Variants in TSEN54 observed in about 807,000 individuals in gnomAD.
The protein encoded by TSEN54 is tRNA splicing endonuclease subunit 54.
Under a neutral mutation model 61.9 loss-of-function variants are expected in TSEN54, and 55 were observed. The ratio of observed to expected loss-of-function variants is 0.89; its 90% CI spans 0.72 to 1.11. The LOEUF is 1.11. Ranked by LOEUF, TSEN54 falls within the 50% of genes most tolerant of loss-of-function variation. The pLI is 0.00. For missense variants in TSEN54, 760 were observed against 687.7 expected, an observed-to-expected ratio of 1.11 and a Z score of -1.18; for synonymous variants, 304 against 288.7, an observed-to-expected ratio of 1.05 and a Z score of -0.54.
chr17:75,517,400 G>A (rs909862045), intron 4 of TSEN54, 156 bp downstream of exon 4: 3 of 1,143,388 alleles, frequency 2.6e-6, no homozygotes, highest in Non-Finnish European at 3.9e-6. Context: ...AGGGATTCCA[G>A]TCCACATTAG....
chr17:75,518,665 C>T (rs577838647), intron 5 of TSEN54: 13 of 985,390 alleles, frequency 1.3e-5, no homozygotes, highest in Admixed American at 1.2e-4. Flanking sequence ...ACATGGTGAT[C>T]GGCAGCTTCA....
At chr17:75,522,386 C>G in intron 8 of TSEN54, 53 bp downstream of exon 8, 1 of 1,538,348 alleles carries the variant, frequency 6.5e-7, no homozygotes, top group Non-Finnish European at 8.7e-7. Flanking sequence ...TGAGGAATCA[C>G]AGGACTTTGG....
In TSEN54 at chr17:75,523,057, T is replaced by C. The variant is rs955764106; in HGVS notation, c.1253-218T>C. The stretch of plus-strand genomic sequence containing the variant: ...AGCCGGGTGTGGTGGTGCACACTTA[T>C]AATCCCAGCTACTCAGGAGGCTGAG... On this transcript the variant is annotated intron_variant, in intron 8 of 10. Transcript: ENST00000333213. 1.2e-4 allele frequency: 69 copies of C among 573,596 alleles called. 1 individual carries two copies. The East Asian group carries it at 1.5e-3, about 12-fold the overall frequency. The allele number at this position is 573,596 out of a possible 1,614,324, so 35.5% of individuals were successfully genotyped here.
rs779557263 is a variant in TSEN54, at chr17:75,521,799, T to C, written c.718T>C (p.Cys240Arg). ...SPPPCSQPSQ[C>R]PEEKPQESSP... ...ACCTCCCTGCAGCCAGCCCAGCCAA[T>C]GCCCAGAGGAGAAACCCCAGGAGTC... The change falls in exon 8 of 11, where the codon TGC (cysteine) becomes CGC (arginine). Residue 240 changes from cysteine to arginine, a missense_variant. Transcript: ENST00000333213. 3.6e-5 allele frequency: 58 copies of C among 1,612,970 alleles called. No individual in the cohort carries two copies. The South Asian group carries it at 6.3e-4, about 17-fold the overall frequency.
chr17:75,522,368 C>G, intron 8 of TSEN54, 35 bp downstream of exon 8: 3 of 1,541,272 alleles, frequency 1.9e-6, no homozygotes, highest in Non-Finnish European at 2.6e-6. Context: ...TCGAGGGCCA[C>G]TGGCAGCTGA....
intron 5 of TSEN54, 104 bp downstream of exon 5, chr17:75,517,759 CAGGGCAGACG>C: frequency 9.7e-7 from 1 of 1,031,956 alleles, no homozygotes; most frequent in Non-Finnish European, 1.5e-6. Context: ...GCTGGGGCTG[CAGGGCAGACG>C]AGGGCTATGC....
rs1161690336 is a variant in TSEN54, at chr17:75,516,571, A to C, written c.11A>C (p.Glu4Ala). The change falls in exon 1 of 11, where the codon GAG becomes GCG. Residue 4 changes from glutamate (E) to alanine (A), a missense_variant. Physicochemically the swap from Glu to Ala is moderately radical, Grantham distance 107 (BLOSUM62 -1). Transcript: ENST00000333213. The part of the protein sequence containing the change: MEP[E>A]PEPAAVEVPA... ...GCAGGCGGCGGCGGGATGGAGCCCG[A>C]GCCCGAGCCCGCGGCCGTGGAGGTT... is the stretch of plus-strand genomic sequence containing the variant. 1 of 1,150,044 alleles carries C rather than the reference A, an allele frequency of 8.7e-7. No individual in the cohort carries two copies. Among genetic ancestry groups the C allele is most frequent in the Non-Finnish European group, 1.1e-6 (1 of 937,334 alleles). 71.2% of individuals were successfully genotyped at this position (1,150,044 alleles called of 1,614,324 possible).
chr17:75,523,095 C>T (rs1408809448), intron 8 of TSEN54, 180 bp from the exon 9 acceptor site: 5 of 737,888 alleles, frequency 6.8e-6, no homozygotes, highest in Non-Finnish European at 1.2e-5. Context: ...AGGAGAATTG[C>T]TTGAACCTGG....
chr17:75,522,149 C>T lies in TSEN54; in HGVS notation c.1068C>T (p.His356=), dbSNP rs774893413. ...EKLSRREREH[H]AEAAQFQEDV... Reference sequence around the variant, plus strand: ...TCTCCAGGCGGGAACGGGAGCACCACGCGGAGGCCGCGCAGTTCCAGGAAG... The same window carrying T: ...TCTCCAGGCGGGAACGGGAGCACCATGCGGAGGCCGCGCAGTTCCAGGAAG... Residue 356 remains histidine, a synonymous_variant, in exon 8 of 11, where the codon CAC becomes CAT. Transcript: ENST00000333213. 16 of 1,556,872 alleles carry T rather than the reference C, an allele frequency of 1.0e-5. No homozygotes were observed. Among genetic ancestry groups the T allele is most frequent in the South Asian group, 2.4e-5 (2 of 84,878 alleles).
intron 6 of TSEN54, among the ~76,000 whole-genome samples, chr17:75,520,537 G>A (rs1265164477): frequency 6.8e-6 from 1 of 147,736 alleles, no homozygotes; most frequent in East Asian, 1.9e-4. Context: ...AGTGAGCCGA[G>A]ATCTTGCCAG....
Position 75,516,882 on chromosome 17 carries a change from C to T in TSEN54, c.193C>T (p.Leu65=). The T allele has an allele frequency of 1.9e-6, 3 of 1,557,164 alleles. No individual in the cohort carries two copies. Among genetic ancestry groups the T allele is most frequent in the South Asian group, 1.2e-5 (1 of 86,216 alleles). Residue 65 remains leucine (L), a synonymous_variant, in exon 2 of 11, where the codon CTG becomes TTG. Coordinates refer to ENST00000333213, the MANE Select transcript of TSEN54 (RefSeq NM_207346.3). ...CCGGTGCCGGGAAGAGCTCTGGCAGCTGCTGGCAGAGCAGCGCGTGGAGCG... is the reference window on the plus strand; with the variant it reads ...CCGGTGCCGGGAAGAGCTCTGGCAGTTGCTGGCAGAGCAGCGCGTGGAGCG... ...LRRCREELWQ[L]LAEQRVERLG...
intron 5 of TSEN54, among the ~76,000 whole-genome samples, chr17:75,517,997 C>T (rs1168141390): frequency 1.3e-5 from 2 of 152,052 alleles, no homozygotes; most frequent in African/African-American, 2.4e-5. Flanking sequence ...GATAGGACTG[C>T]CAATGGATTG....
Position 75,524,279 on chromosome 17 carries a change from C to G in TSEN54, c.1448C>G (p.Pro483Arg). 6.2e-7 allele frequency: 1 copy of G among 1,614,194 alleles called. No homozygotes were observed. Among genetic ancestry groups the G allele is most frequent in the Non-Finnish European group, 8.5e-7 (1 of 1,180,044 alleles). Residue 483 changes from proline to arginine, a missense_variant, in exon 11 of 11, where the codon CCA becomes CGA. Transcript: ENST00000333213. The part of the protein sequence containing the change: ...MCISGFDEPV[P>R]DLCSLKRLSY... ...CCCTGCAGATTTGATGAGCCTGTCC[C>G]AGACCTCTGCAGCCTCAAGCGGTTG...
chr17:75,520,332 G>C (rs2053413930), intron 6 of TSEN54, among the ~76,000 whole-genome samples: 1 of 152,004 alleles, frequency 6.6e-6, no homozygotes, highest in Non-Finnish European at 1.5e-5. Context: ...CATTTTGGGA[G>C]GCCGACGCGG....
intron 8 of TSEN54, chr17:75,522,549 G>A: frequency 2.1e-6 from 3 of 1,436,254 alleles, no homozygotes; most frequent in Non-Finnish European, 2.7e-6. Context: ...AGGAGGGGTG[G>A]AAACTATGAC....
rs1055536776 is a variant in TSEN54, at chr17:75,522,241, G to C, written c.1160G>C (p.Arg387Pro). The C allele has an allele frequency of 3.2e-6, 5 of 1,547,562 alleles. No homozygotes were observed. The highest frequency in any genetic ancestry group is 2.7e-5 in the African/African-American group (2 of 72,994). Reference sequence around the variant, plus strand: ...CGGGAGTACAAGGAGCTGCTGCAGCGGCGGCAGGTGCAGAGGAGCCAGCGC... The same window carrying C: ...CGGGAGTACAAGGAGCTGCTGCAGCCGCGGCAGGTGCAGAGGAGCCAGCGC... ...SWREYKELLQ[R>P]RQVQRSQRRA... The change falls in exon 8 of 11, where the codon CGG becomes CCG. Residue 387 changes from arginine (R) to proline (P), a missense_variant. Physicochemically the swap from Arg to Pro is moderately radical, Grantham distance 103. Coordinates refer to ENST00000333213, the MANE Select transcript of TSEN54 (RefSeq NM_207346.3).
intron 2 of TSEN54, 42 bp downstream of exon 2, chr17:75,516,952 G>A (rs758491321): frequency 8.4e-6 from 13 of 1,543,820 alleles, no homozygotes; most frequent in Non-Finnish European, 1.1e-5. Flanking sequence ...CGGGGGCGAG[G>A]CGGGCCGCGG....
chr17:75,521,161 G>T (rs1362679682), intron 6 of TSEN54, among the ~76,000 whole-genome samples: 2 of 152,226 alleles, frequency 1.3e-5, no homozygotes, highest in Non-Finnish European at 2.9e-5. Flanking sequence ...AGTTATCCAA[G>T]GTTTTTATTT....
At chr17:75,520,001 C>T (rs2053410901) in intron 6 of TSEN54, among the ~76,000 whole-genome samples, 2 of 152,184 alleles carry the variant, frequency 1.3e-5, no homozygotes, top group Non-Finnish European at 1.5e-5. Flanking sequence ...GTACACATCG[C>T]TGAGAACAGA....
Sources: allele counts gnomAD v4.1 joint callset (sites outside exome capture counted in the v4.1 genomes callset), GRCh38; gene constraint gnomAD v4.1.1; transcripts MANE v1.5; gene names NCBI Gene and HGNC (gene_info 2026-07-23, HGNC 2026-07-21).